TMEM236: variants seen among roughly 807,000 people sequenced by gnomAD.
TMEM236 encodes the protein family with sequence similarity 23, member A.
A neutral mutation model predicts 14.7 loss-of-function variants in TMEM236; 11 were observed. The observed-to-expected ratio is 0.75, with a 90% CI of 0.47 to 1.24. The LOEUF (loss-of-function observed/expected upper bound fraction) is 1.24, where lower values mean the gene tolerates loss of function less well. TMEM236 is among the 50% of genes most tolerant of loss of function. TMEM236 has a pLI of 0.00. For synonymous variants in TMEM236, 182 were observed against 168.6 expected (o/e 1.08, Z -0.62); for missense variants, 464 against 427.3 (o/e 1.09, Z -0.76).
intron 3 of TMEM236, among the ~76,000 whole-genome samples, chr10:17,790,773 A>AT (rs1372808480): frequency 1.3e-5 from 2 of 152,074 alleles, no homozygotes; most frequent in Admixed American, 6.6e-5. Flanking sequence ...TCCTCTAACC[A>AT]TTTTCCCCTT....
In TMEM236 at chr10:17,752,313, C is replaced by T; in HGVS notation, c.18C>T (p.Leu6=). The T allele has an allele frequency of 1.2e-6, 2 of 1,613,896 alleles. No individual in the cohort carries two copies. Among genetic ancestry groups the T allele is most frequent in the South Asian group, 1.1e-5 (1 of 91,070 alleles). Residue 6 remains leucine (L), a synonymous_variant, in exon 1 of 4, where the codon CTC becomes CTT. Coordinates refer to ENST00000377495, the MANE Select transcript of TMEM236 (RefSeq NM_001098844.3). MASGR[L]IKFVVFELLE... is the part of the protein sequence containing the mutation. ...TCCTCAGGATGGCTTCTGGAAGGCT[C>T]ATTAAGTTCGTGGTTTTTGAGCTCC...
chr10:17,788,277 C>G (rs1302691700), intron 3 of TMEM236, among the ~76,000 whole-genome samples: 2 of 151,086 alleles, frequency 1.3e-5, no homozygotes, highest in East Asian at 1.9e-4. Context: ...AACCATATAT[C>G]TCTTGGGGAG....
rs1032157820 is a variant in TMEM236, at chr10:17,800,375, A to T, written c.*3871A>T. 6.6e-6 allele frequency: 1 copy of T among 151,872 alleles called. No individual in the cohort carries two copies. Among genetic ancestry groups the T allele is most frequent in the East Asian group, 1.9e-4 (1 of 5,202 alleles). 9.4% of individuals were successfully genotyped at this position (151,872 alleles called of 1,614,324 possible). A position where few individuals can be genotyped will look rare whatever the true frequency, so the allele number is the denominator to read the frequency against. ...TTTATAATTTTATAAAATTTTATTG[A>T]TGCTGTAATTTTTATAAAATTTTAT... On this transcript the variant is annotated 3_prime_UTR_variant, in exon 4 of 4. Coordinates refer to ENST00000377495, the MANE Select transcript of TMEM236 (RefSeq NM_001098844.3).
At chr10:17,787,691 G>GT (rs1837861660) in intron 3 of TMEM236, among the ~76,000 whole-genome samples, 1 of 152,178 alleles carries the variant, frequency 6.6e-6, no homozygotes, top group Non-Finnish European at 1.5e-5. Context: ...GGTGCTGGGG[G>GT]TACAAAGCTG....
chr10:17,784,148 T>A (rs1156718774), intron 3 of TMEM236, among the ~76,000 whole-genome samples: 2 of 152,220 alleles, frequency 1.3e-5, no homozygotes, highest in Admixed American at 6.5e-5. Flanking sequence ...AAAAAGTCTT[T>A]TTTTCACTAC....
At chr10:17,771,415 T>A in intron 2 of TMEM236, 34 bp downstream of exon 2, 1 of 1,586,994 alleles carries the variant, frequency 6.3e-7, no homozygotes, top group Non-Finnish European at 8.7e-7. Flanking sequence ...GCTACAAGAT[T>A]ATGAGATTTT....
At position 17,752,530 on chromosome 10, in the gene TMEM236, A is replaced by T; in HGVS notation, c.235A>T (p.Ile79Phe). Reference protein sequence around the residue: ...VKVILHKKRYIYRKIKGWRPV... With the variant: ...VKVILHKKRYFYRKIKGWRPV... ...AGTTATCCTGCACAAGAAACGTTATATTTACAGAAAAATTAAAGGATGGTA... is the reference window on the plus strand; with the variant it reads ...AGTTATCCTGCACAAGAAACGTTATTTTTACAGAAAAATTAAAGGATGGTA... The change falls in exon 1 of 4, where the codon ATT becomes TTT. Residue 79 changes from isoleucine to phenylalanine, a missense_variant. By Grantham distance (21) the Ile-to-Phe change is conservative (BLOSUM62 0). Coordinates refer to ENST00000377495, the MANE Select transcript of TMEM236 (RefSeq NM_001098844.3). 1.2e-6 allele frequency: 2 copies of T among 1,613,860 alleles called. No homozygotes were observed. Among genetic ancestry groups the T allele is most frequent in the Non-Finnish European group, 1.7e-6 (2 of 1,179,802 alleles).
intron 2 of TMEM236, among the ~76,000 whole-genome samples, chr10:17,775,144 C>A (rs908737124): frequency 2.0e-5 from 3 of 152,106 alleles, no homozygotes; most frequent in Non-Finnish European, 1.5e-5. Flanking sequence ...CTGGCTAAGA[C>A]CTCCAGGACA....
chr10:17,794,547 A>G (rs1554836252), intron 3 of TMEM236, among the ~76,000 whole-genome samples: 1 of 151,648 alleles, frequency 6.6e-6, no homozygotes, highest in African/African-American at 2.4e-5. Context: ...ACAGACACAC[A>G]CACGCACACA....
intron 1 of TMEM236, among the ~76,000 whole-genome samples, chr10:17,760,288 G>A (rs1447301922): frequency 6.7e-6 from 1 of 149,926 alleles, no homozygotes; most frequent in African/African-American, 2.4e-5. Context: ...TTGACTATTT[G>A]TATTTTCTAA....
At chr10:17,754,290 T>G (rs939607560) in intron 1 of TMEM236, among the ~76,000 whole-genome samples, 7 of 152,326 alleles carry the variant, frequency 4.6e-5, no homozygotes, top group South Asian at 2.1e-4. Flanking sequence ...ACTACGACTT[T>G]TAAAACAACT....
intron 1 of TMEM236, among the ~76,000 whole-genome samples, chr10:17,762,622 C>CATACAT (rs1412035744): frequency 0.017 from 1,252 of 73,526 alleles, 42 homozygotes; most frequent in African/African-American, 0.031. Context: ...TATATATACA[C>CATACAT]ACATACATAT....
Position 17,798,215 on chromosome 10 carries a change from G to A in TMEM236, c.*1711G>A, listed in dbSNP as rs889864740. The A allele has an allele frequency of 1.8e-5, 4 of 223,952 alleles. No individual in the cohort carries two copies. The highest frequency in any genetic ancestry group is 9.3e-5 in the African/African-American group (4 of 42,928). 13.9% of individuals were successfully genotyped at this position (223,952 alleles called of 1,614,324 possible). On this transcript the variant is annotated 3_prime_UTR_variant, in exon 4 of 4. Coordinates refer to ENST00000377495, the MANE Select transcript of TMEM236 (RefSeq NM_001098844.3). ...TCTGTGATAACAAATCATTAAGAAT[G>A]AGACATATGGCTTAAGAATGAAGCT... is the stretch of plus-strand genomic sequence containing the variant.
chr10:17,780,106 T>A (rs1423941200), intron 3 of TMEM236, among the ~76,000 whole-genome samples: 1 of 152,176 alleles, frequency 6.6e-6, no homozygotes, highest in East Asian at 1.9e-4. Context: ...TGGGCTTCAG[T>A]GATTTCAGGT....
rs1029775668 is a variant in TMEM236, at chr10:17,792,018, A to C, written c.473-3903A>C. 1.6e-4 allele frequency among the ~76,000 whole-genome samples: 25 copies of C among 152,242 alleles called. 2 individuals carry two copies. The highest frequency in any genetic ancestry group is 1.2e-3 in the East Asian group (6 of 5,186). ...GGAGTCTAATGAATGCATTTTTAGC[A>C]TTAGCTTTCTTCCTGGATGTTTTTA... On this transcript the variant is annotated intron_variant, in intron 3 of 3. Coordinates refer to ENST00000377495, the MANE Select transcript of TMEM236 (RefSeq NM_001098844.3).
intron 3 of TMEM236, among the ~76,000 whole-genome samples, chr10:17,793,323 C>A (rs1837957203): frequency 2.0e-5 from 3 of 152,180 alleles, no homozygotes. Flanking sequence ...AATTTGCAAT[C>A]ATCTCTCAAA....
intron 1 of TMEM236, among the ~76,000 whole-genome samples, chr10:17,765,394 A>G (rs1837446411): frequency 6.6e-6 from 1 of 152,176 alleles, no homozygotes; most frequent in South Asian, 2.1e-4. Context: ...TCCCAGCATC[A>G]ACTCTAAGTC....
At chr10:17,780,311 A>G (rs1837725806) in intron 3 of TMEM236, among the ~76,000 whole-genome samples, 1 of 152,066 alleles carries the variant, frequency 6.6e-6, no homozygotes, top group Admixed American at 6.5e-5. Flanking sequence ...GTCACTACCT[A>G]GATTCCTTAA....
intron 3 of TMEM236, among the ~76,000 whole-genome samples, chr10:17,779,258 C>G (rs1485387467): frequency 3.3e-5 from 5 of 152,044 alleles, no homozygotes; most frequent in African/African-American, 4.8e-5. Context: ...AGCTCTCACT[C>G]CAGGCCCAGC....
Sources: allele counts gnomAD v4.1 joint callset (sites outside exome capture counted in the v4.1 genomes callset), GRCh38; gene constraint gnomAD v4.1.1; transcripts MANE v1.5; gene names NCBI Gene and HGNC (gene_info 2026-07-23, HGNC 2026-07-21).